EPB41L3: variants seen among roughly 807,000 people sequenced by gnomAD.
EPB41L3 encodes the protein band 4.1-like protein 3.
Under a neutral mutation model 127.1 loss-of-function variants are expected in EPB41L3, and 57 were observed. The observed-to-expected ratio is 0.45, with a 90% CI of 0.36 to 0.56. The LOEUF is 0.56. Among genes scored for constraint, EPB41L3 ranks in the 20% least tolerant of loss-of-function variants. The pLI, the probability that EPB41L3 is intolerant of heterozygous loss-of-function variation, is 0.00. For synonymous variants in EPB41L3, 572 were observed against 549.5 expected, an observed-to-expected ratio of 1.04 and a Z score of -0.57; for missense variants, 1,273 against 1,372.2, an observed-to-expected ratio of 0.93 and a Z score of 1.14.
intron 4 of EPB41L3, 46 bp from the exon 5 acceptor site, chr18:5,443,926 A>C (rs528736358): frequency 6.6e-7 from 1 of 1,518,522 alleles, no homozygotes; most frequent in African/African-American, 1.4e-5. Flanking sequence ...GGAGAATAAA[A>C]ATGACTTAAT....
chr18:5,399,428 A>G, intron 16 of EPB41L3: 2 of 398,400 alleles, frequency 5.0e-6, no homozygotes, highest in Admixed American at 8.8e-5. Flanking sequence ...TTCTGATGGT[A>G]TCTCATTTCT....
At chr18:5,554,250 A>G (rs2094003786) in intron 3 of EPB41L3, among the ~76,000 whole-genome samples, 1 of 152,138 alleles carries the variant, frequency 6.6e-6, no homozygotes, top group African/African-American at 2.4e-5. Context: ...TTCCAGACAT[A>G]AGTCCCACAA....
intron 3 of EPB41L3, among the ~76,000 whole-genome samples, chr18:5,590,504 C>T (rs1249143122): frequency 1.3e-5 from 2 of 152,092 alleles, no homozygotes; most frequent in African/African-American, 4.8e-5. Flanking sequence ...ACAAAGTTCT[C>T]ACCATAAGAC....
At chr18:5,452,188 T>C (rs1409624810) in intron 3 of EPB41L3, among the ~76,000 whole-genome samples, 1 of 152,182 alleles carries the variant, frequency 6.6e-6, no homozygotes, top group Non-Finnish European at 1.5e-5. Flanking sequence ...CATGCTGGTA[T>C]GCTGGTATGG....
intron 1 of EPB41L3, among the ~76,000 whole-genome samples, chr18:5,532,838 A>G (rs1273487585): frequency 2.0e-5 from 3 of 152,080 alleles, no homozygotes; most frequent in Non-Finnish European, 4.4e-5. Context: ...CTCTAATATG[A>G]CCGAATAAAA....
chr18:5,545,938 TGAA>T (rs1175333184), upstream of EPB41L3, among the ~76,000 whole-genome samples: 6 of 151,390 alleles, frequency 4.0e-5, no homozygotes, highest in East Asian at 2.0e-4. Flanking sequence ...GGTCTGTGAA[TGAA>T]GAAAGAATTC....
At chr18:5,393,569 A>C (rs1156421763) in intron 22 of EPB41L3, 91 bp from the exon 23 acceptor site, 1 of 678,042 alleles carries the variant, frequency 1.5e-6, no homozygotes, top group Non-Finnish European at 2.7e-6. Context: ...CCTGGAAGTT[A>C]GAATGCTCGT....
intron 3 of EPB41L3, among the ~76,000 whole-genome samples, chr18:5,607,785 C>T (rs906541893): frequency 2.0e-5 from 3 of 152,082 alleles, no homozygotes; most frequent in African/African-American, 4.8e-5. Context: ...CTTGCCACCA[C>T]GGAACTGTCA....
At chr18:5,617,234 T>C (rs1420672561) in intron 1 of EPB41L3, among the ~76,000 whole-genome samples, 1 of 152,188 alleles carries the variant, frequency 6.6e-6, no homozygotes, top group Non-Finnish European at 1.5e-5. Flanking sequence ...AGTACCTTGC[T>C]TATAAAAGAT....
At chr18:5,500,742 A>T (rs752426902) in intron 1 of EPB41L3, among the ~76,000 whole-genome samples, 43 of 152,104 alleles carry the variant, frequency 2.8e-4, no homozygotes, top group Non-Finnish European at 6.2e-4. Flanking sequence ...CCCTAAACAA[A>T]TAATGAATGA....
At chr18:5,564,999 T>C (rs1303481944) in intron 3 of EPB41L3, among the ~76,000 whole-genome samples, 1 of 152,194 alleles carries the variant, frequency 6.6e-6, no homozygotes, top group African/African-American at 2.4e-5. Context: ...TAGCAAAATA[T>C]TTATTATTTA....
At position 5,396,309 on chromosome 18, in the gene EPB41L3, G is replaced by A. The variant is rs766462217; in HGVS notation, c.2865C>T (p.Thr955=). 8 of 1,614,040 alleles carry A rather than the reference G, an allele frequency of 5.0e-6. No individual in the cohort carries two copies. Among genetic ancestry groups the A allele is most frequent in the Non-Finnish European group, 5.1e-6 (6 of 1,180,046 alleles). The change falls in exon 19 of 23, where the codon ACC becomes ACT. Residue 955 remains threonine, a synonymous_variant. Coordinates refer to ENST00000341928, the MANE Select transcript of EPB41L3 (RefSeq NM_012307.5). ...HFESSTVKTE[T]ISFGSVSPGG... is the part of the protein sequence containing the mutation. ...CCGGTGAAACACTGCCAAAACTGAT[G>A]GTTTCCGTCTTCACCGTTGAGGACT...
chr18:5,513,129 T>C (rs547789653), intron 1 of EPB41L3, among the ~76,000 whole-genome samples: 2 of 151,010 alleles, frequency 1.3e-5, no homozygotes, highest in South Asian at 2.2e-4. Context: ...TCCAGGCACA[T>C]AGTAGGATCA....
chr18:5,522,822 C>T (rs546231624), intron 1 of EPB41L3, among the ~76,000 whole-genome samples: 50 of 152,284 alleles, frequency 3.3e-4, no homozygotes, highest in African/African-American at 1.2e-3. Flanking sequence ...AATTGTACTA[C>T]AATGCAGCTT....
chr18:5,462,927 T>C (rs749976674), intron 3 of EPB41L3, among the ~76,000 whole-genome samples: 1 of 152,200 alleles, frequency 6.6e-6, no homozygotes, highest in Non-Finnish European at 1.5e-5. Flanking sequence ...TCTTCCCCCA[T>C]AAACTTTTTC....
At chr18:5,394,977 G>T in intron 21 of EPB41L3, 90 bp downstream of exon 21, 1 of 1,345,230 alleles carries the variant, frequency 7.4e-7, no homozygotes, top group Non-Finnish European at 1.1e-6. Context: ...CGGAATACAT[G>T]CTGGACTAGA....
chr18:5,434,345 A>G (rs1052080951), intron 6 of EPB41L3, among the ~76,000 whole-genome samples: 3 of 152,232 alleles, frequency 2.0e-5, no homozygotes, highest in Non-Finnish European at 2.9e-5. Flanking sequence ...GGCATTTAGA[A>G]GCAAGTCGAC....
intron 1 of EPB41L3, among the ~76,000 whole-genome samples, chr18:5,536,830 T>C (rs2093588420): frequency 6.6e-6 from 1 of 151,974 alleles, no homozygotes; most frequent in African/African-American, 2.4e-5. Flanking sequence ...GACTCTGTTC[T>C]CAAAAAACAA....
At chr18:5,544,223 G>C, upstream of EPB41L3, 1 of 985,628 alleles carries the variant, frequency 1.0e-6, no homozygotes, top group Non-Finnish European at 1.2e-6. Context: ...CTGGCGCAGG[G>C]TCAGGCTCCG....
Sources: allele counts gnomAD v4.1 joint callset (sites outside exome capture counted in the v4.1 genomes callset), GRCh38; gene constraint gnomAD v4.1.1; transcripts MANE v1.5; gene names NCBI Gene and HGNC (gene_info 2026-07-23, HGNC 2026-07-21).